Variants in COL11A2 observed in about 807,000 individuals in gnomAD.
COL11A2 encodes the protein collagen alpha-2(XI) chain.
Under a neutral mutation model 273.4 loss-of-function variants are expected in COL11A2, and 116 were observed. That is an observed-to-expected ratio of 0.42 (90% CI 0.36 to 0.49). The LOEUF (loss-of-function observed/expected upper bound fraction) is 0.49, where lower values mean the gene tolerates loss of function less well. Ranked by LOEUF, COL11A2 falls within the 20% of genes least tolerant of loss-of-function variation. The probability of loss-of-function intolerance (pLI) is 0.00; values close to 1 mark genes in which losing one functional copy is unlikely to be tolerated. For synonymous variants in COL11A2, 782 were observed against 864.2 expected, an observed-to-expected ratio of 0.90 and a Z score of 1.67; for missense variants, 1,866 against 2,309.0, an observed-to-expected ratio of 0.81 and a Z score of 3.93.
Position 33,163,633 on chromosome 6 carries a change from C to T in COL11A2, c.*45G>A, listed in dbSNP as rs371254856. Reference sequence around the variant, plus strand: ...GCACAGAGCTGATGTTGTGGGATTCCAGGTGGGCCTGGTTCCGAATGGACA... The same window carrying T: ...GCACAGAGCTGATGTTGTGGGATTCTAGGTGGGCCTGGTTCCGAATGGACA... On this transcript the variant is annotated 3_prime_UTR_variant, in exon 66 of 66. Transcript: ENST00000341947. The surrounding 1 kb of genome is among the most constrained non-coding windows in gnomAD (Gnocchi z 4.1). 4.3e-6 allele frequency: 7 copies of T among 1,612,836 alleles called. No homozygotes were observed. Among genetic ancestry groups the T allele is most frequent in the East Asian group, 2.2e-5 (1 of 44,890 alleles).
At position 33,164,310 on chromosome 6, in the gene COL11A2, G is replaced by A. The variant is rs769990941; in HGVS notation, c.5027C>T (p.Pro1676Leu). ...LRGANEDELS[P>L]ETSPYVKEFR... The stretch of plus-strand genomic sequence containing the variant: ...TTCTTTGACATAGGGGCTAGTCTCC[G>A]GGCTCAGCTCATCCTCATTGGCCCC... The change falls in exon 65 of 66, where the codon CCG (proline) becomes CTG (leucine). Residue 1676 changes from proline (P) to leucine (L), a missense_variant. Coordinates refer to ENST00000341947, the MANE Select transcript of COL11A2 (RefSeq NM_080680.3). This position sits in a 1 kb window ranked among gnomAD's most constrained non-coding sequence, Gnocchi z 4.7. The A allele has an allele frequency of 3.7e-5, 60 of 1,612,804 alleles. No individual in the cohort carries two copies. Among genetic ancestry groups the A allele is most frequent in the Non-Finnish European group, 4.6e-5 (54 of 1,180,008 alleles).
rs1468301672 is a variant in COL11A2 at position 33,177,083 on chromosome 6, G to T, written c.2017-38C>A. On this transcript the variant is annotated intron_variant, in intron 24 of 65. Coordinates refer to ENST00000341947, the MANE Select transcript of COL11A2 (RefSeq NM_080680.3). The surrounding 1 kb of genome is among the most constrained non-coding windows in gnomAD (Gnocchi z 5.9). ...AAAGAGGCTCAGGGTCACTAGAGGG[G>T]TCATGTCTGGACACAGACAAAATCC... The T allele has an allele frequency of 1.9e-6, 3 of 1,612,476 alleles. No individual in the cohort carries two copies. The highest frequency in any genetic ancestry group is 1.6e-4 in the Middle Eastern group (1 of 6,062).
chr6:33,176,590 G>T lies in COL11A2; in HGVS notation c.2116-104C>A. ...AGTAACAACATTGCTGTCTGGGTAG[G>T]GTTACGGGGCACAGGAATTGAGAAT... is the stretch of plus-strand genomic sequence containing the variant. On this transcript the variant is annotated intron_variant, in intron 26 of 65. Coordinates refer to ENST00000341947, the MANE Select transcript of COL11A2 (RefSeq NM_080680.3). This position sits in a 1 kb window ranked among gnomAD's most constrained non-coding sequence, Gnocchi z 4.9. 7.1e-7 allele frequency: 1 copy of T among 1,407,138 alleles called. No individual in the cohort carries two copies. Among genetic ancestry groups the T allele is most frequent in the Non-Finnish European group, 1.0e-6 (1 of 999,876 alleles). The allele number at this position is 1,407,138 out of a possible 1,614,324, so 87.2% of individuals were successfully genotyped here. A position where few individuals can be genotyped will look rare whatever the true frequency, so the allele number is the denominator to read the frequency against.
chr6:33,180,255 C>T lies in COL11A2; in HGVS notation c.1359+3G>A. On this transcript the variant is annotated splice_donor_region_variant and intron_variant, in intron 12 of 65. Transcript: ENST00000341947. ...ATGTTCCAAAACCCAAGAGACAACT[C>T]ACTGGGAGCATGAGAGATGTGCCAG... is the stretch of plus-strand genomic sequence containing the variant. 6.2e-7 allele frequency: 1 copy of T among 1,612,880 alleles called. No individual in the cohort carries two copies. The highest frequency in any genetic ancestry group is 1.1e-5 in the South Asian group (1 of 91,076).
intron 8 of COL11A2, among the ~76,000 whole-genome samples, chr6:33,183,075 G>A (rs1197591580): frequency 6.6e-6 from 1 of 152,156 alleles, no homozygotes; most frequent in African/African-American, 2.4e-5. Context: ...TGCGGCAGCA[G>A]GGTAGAGGAG....
intron 31 of COL11A2, 92 bp from the exon 32 acceptor site, chr6:33,174,310 G>T: frequency 1.3e-6 from 2 of 1,510,944 alleles, no homozygotes; most frequent in South Asian, 1.2e-5. Flanking sequence ...CACAAAGGCA[G>T]TGGCCAGGGA....
At position 33,186,772 on chromosome 6, in the gene COL11A2, T is replaced by G; in HGVS notation, c.653A>C (p.Tyr218Ser). The G allele has an allele frequency of 6.2e-7, 1 of 1,614,092 alleles. No homozygotes were observed. The highest frequency in any genetic ancestry group is 8.5e-7 in the Non-Finnish European group (1 of 1,180,002). ...LAIVPGVQAA[Y>S]ESCEQKELEC... ...CAGCTCCTTCTGTTCACATGATTCA[T>G]AGGCTGCCTGGACCCCTGGGACAAT... Residue 218 changes from tyrosine to serine, a missense_variant, in exon 5 of 66, where the codon TAT becomes TCT. Tyr to Ser is a moderately radical substitution (Grantham distance 144). Coordinates refer to ENST00000341947, the MANE Select transcript of COL11A2 (RefSeq NM_080680.3).
At chr6:33,168,439 A>C (rs760100429) in intron 54 of COL11A2, 80 bp downstream of exon 54, 26 of 1,483,806 alleles carry the variant, frequency 1.8e-5, no homozygotes, top group Middle Eastern at 1.9e-4. Flanking sequence ...CTCCCCACCC[A>C]TCCCACCTGC....
intron 38 of COL11A2, 88 bp from the exon 39 acceptor site, chr6:33,172,725 C>T (rs555973144): frequency 9.1e-6 from 10 of 1,104,588 alleles, no homozygotes; most frequent in Admixed American, 5.6e-5. Flanking sequence ...CTAAAACACT[C>T]CTTCAGAACC....
chr6:33,169,652 C>T lies in COL11A2; in HGVS notation c.3691-162G>A, dbSNP rs879282544. Among the ~76,000 whole-genome samples, 4 of 152,198 alleles carry T rather than the reference C, an allele frequency of 2.6e-5. No homozygotes were observed. The highest frequency in any genetic ancestry group is 4.4e-5 in the Non-Finnish European group (3 of 68,038). On this transcript the variant is annotated intron_variant, in intron 50 of 65. Coordinates refer to ENST00000341947, the MANE Select transcript of COL11A2 (RefSeq NM_080680.3). The surrounding 1 kb of genome is among the most constrained non-coding windows in gnomAD (Gnocchi z 5.5). ...AAGGGGAGTTCCCTAGTCCCCTTCC[C>T]TTCAAGAAAGGGGAAGAAGGGCTCA...
At chr6:33,183,384 C>T (rs567001655) in intron 8 of COL11A2, among the ~76,000 whole-genome samples, 1 of 152,130 alleles carries the variant, frequency 6.6e-6, no homozygotes, top group South Asian at 2.1e-4. Flanking sequence ...AAGAAAGGCA[C>T]AAAACAGGTA....
intron 38 of COL11A2, 96 bp downstream of exon 38, chr6:33,172,964 C>T (rs1468640070): frequency 1.0e-5 from 14 of 1,337,664 alleles, no homozygotes; most frequent in Non-Finnish European, 1.5e-5. Flanking sequence ...GAGTCTGGGT[C>T]AGGTGGACCG....
In COL11A2 at chr6:33,163,937, T is replaced by C; in HGVS notation, c.5071-119A>G. 2 of 1,454,706 alleles carry C rather than the reference T, an allele frequency of 1.4e-6. No individual in the cohort carries two copies. The highest frequency in any genetic ancestry group is 1.9e-6 in the Non-Finnish European group (2 of 1,043,804). 90.1% of individuals were successfully genotyped at this position (1,454,706 alleles called of 1,614,324 possible). A position where few individuals can be genotyped will look rare whatever the true frequency, so the allele number is the denominator to read the frequency against. On this transcript the variant is annotated intron_variant, in intron 65 of 65. Coordinates refer to ENST00000341947, the MANE Select transcript of COL11A2 (RefSeq NM_080680.3). This position sits in a 1 kb window ranked among gnomAD's most constrained non-coding sequence, Gnocchi z 4.1. ...TTGGCCCCATCAGGGTGACTCAGGA[T>C]GTACAGACTGGCAGTGTCTATGTGC... is the stretch of plus-strand genomic sequence containing the variant.
chr6:33,192,175 C>T lies in COL11A2; in HGVS notation c.66G>A (p.Ala22=). ...TCCTCTTACCTGCCCAGCCTGGGGC[C>T]GCGCTCAGCCCCAGCACCAGAGGTA... The part of the protein sequence containing the change: ...LLLPLVLGLS[A]APGWAGAPPV... Residue 22 remains alanine (A), a synonymous_variant, in exon 1 of 66, where the codon GCG becomes GCA. Coordinates refer to ENST00000341947, the MANE Select transcript of COL11A2 (RefSeq NM_080680.3). The T allele has an allele frequency of 6.4e-7, 1 of 1,560,900 alleles. No individual in the cohort carries two copies. The highest frequency in any genetic ancestry group is 8.7e-7 in the Non-Finnish European group (1 of 1,152,234).
intron 42 of COL11A2, 69 bp downstream of exon 42, chr6:33,171,644 G>A (rs1770078012): frequency 6.3e-7 from 1 of 1,596,910 alleles, no homozygotes; most frequent in Admixed American, 1.7e-5. Context: ...CAGGAAACTT[G>A]TCATAGCCCA....
At position 33,164,259 on chromosome 6, in the gene COL11A2, G is replaced by A. The variant is rs1372913739; in HGVS notation, c.5070+8C>T. 1 of 1,612,842 alleles carries A rather than the reference G, an allele frequency of 6.2e-7. No individual in the cohort carries two copies. On this transcript the variant is annotated splice_region_variant and intron_variant, in intron 65 of 65. Transcript: ENST00000341947. This position sits in a 1 kb window ranked among gnomAD's most constrained non-coding sequence, Gnocchi z 4.7. Reference sequence around the variant, plus strand: ...ATCAGCCCCCAACCCAGCTCTTCCTGTTCCCACCTGGCAGCCATCTCTGAA... The same window carrying A: ...ATCAGCCCCCAACCCAGCTCTTCCTATTCCCACCTGGCAGCCATCTCTGAA...
chr6:33,175,308 C>T (rs189086213), intron 30 of COL11A2, among the ~76,000 whole-genome samples: 30 of 152,290 alleles, frequency 2.0e-4, no homozygotes, highest in Admixed American at 5.2e-4. Context: ...GGAGTCCGAA[C>T]GCATGTTCAC....
At chr6:33,182,926 C>T (rs1771910936) in intron 8 of COL11A2, among the ~76,000 whole-genome samples, 1 of 152,168 alleles carries the variant, frequency 6.6e-6, no homozygotes. Flanking sequence ...GAATGCCCCT[C>T]TCCACCTTCA....
At position 33,163,788 on chromosome 6, in the gene COL11A2, G is replaced by C; in HGVS notation, c.5101C>G (p.Arg1701Gly). 6.2e-7 allele frequency: 1 copy of C among 1,613,034 alleles called. No individual in the cohort carries two copies. The highest frequency in any genetic ancestry group is 1.1e-5 in the South Asian group (1 of 91,074). ...GGCAGCTGCTCCAGCACAGGCGTTCGCACCTCCAGCACCGTCCGGCCTTGC... is the reference window on the plus strand; with the variant it reads ...GGCAGCTGCTCCAGCACAGGCGTTCCCACCTCCAGCACCGTCCGGCCTTGC... ...TQQGRTVLEVRTPVLEQLPVL... is the reference protein window; with the variant it reads ...TQQGRTVLEVGTPVLEQLPVL... The change falls in exon 66 of 66, where the codon CGA (arginine) becomes GGA (glycine). Residue 1701 changes from arginine (R) to glycine (G), a missense_variant. Arg to Gly is a moderately radical substitution (Grantham distance 125). Coordinates refer to ENST00000341947, the MANE Select transcript of COL11A2 (RefSeq NM_080680.3). This position sits in a 1 kb window ranked among gnomAD's most constrained non-coding sequence, Gnocchi z 4.1.
Sources: allele counts gnomAD v4.1 joint callset (sites outside exome capture counted in the v4.1 genomes callset), GRCh38; gene constraint gnomAD v4.1.1; non-coding constraint Gnocchi (gnomAD v3.1); transcripts MANE v1.5; gene names NCBI Gene and HGNC (gene_info 2026-07-23, HGNC 2026-07-21).